The following CCDC18 variants were observed in gnomAD, a reference collection of about 807,000 sequenced individuals.
CCDC18 encodes the protein coiled-coil domain containing 18.
Under a neutral mutation model 196.0 loss-of-function variants are expected in CCDC18, and 157 were observed. That is an observed-to-expected ratio of 0.80 (90% CI 0.70 to 0.91). CCDC18 has a LOEUF of 0.91. Among genes scored for constraint, CCDC18 ranks in the 40% least tolerant of loss-of-function variants. The probability of loss-of-function intolerance (pLI) is 0.00; values close to 1 mark genes in which losing one functional copy is unlikely to be tolerated. For missense variants in CCDC18, 1,465 were observed against 1,611.6 expected, an observed-to-expected ratio of 0.91 and a Z score of 1.56; for synonymous variants, 482 against 529.2, an observed-to-expected ratio of 0.91 and a Z score of 1.22.
intron 21 of CCDC18, 135 bp from the exon 22 acceptor site, chr1:93,245,970 G>T (rs1031318525): frequency 1.5e-5 from 7 of 460,712 alleles, no homozygotes; most frequent in Non-Finnish European, 2.7e-5. Flanking sequence ...CCTTAAATTT[G>T]ACCCTTTCAA....
intron 10 of CCDC18, among the ~76,000 whole-genome samples, chr1:93,211,566 T>TAG (rs1243375784): frequency 6.6e-6 from 1 of 152,224 alleles, no homozygotes; most frequent in Non-Finnish European, 1.5e-5. Flanking sequence ...TTTGTATGTT[T>TAG]ACACACATGT....
At chr1:93,262,300 C>T (rs1441080005) in intron 26 of CCDC18, 2 of 152,280 alleles carry the variant, frequency 1.3e-5, no homozygotes, top group East Asian at 1.9e-4. Context: ...TAACTCATTC[C>T]AGCATTAACC....
intron 28 of CCDC18, among the ~76,000 whole-genome samples, chr1:93,275,552 T>C (rs896194154): frequency 6.6e-6 from 1 of 152,200 alleles, no homozygotes; most frequent in African/African-American, 2.4e-5. Context: ...TTAAACCAAA[T>C]AAATTATTAT....
chr1:93,265,624 C>A (rs1327113605), intron 27 of CCDC18, among the ~76,000 whole-genome samples: 1 of 151,870 alleles, frequency 6.6e-6, no homozygotes, highest in Non-Finnish European at 1.5e-5. Context: ...GTAGGATTTA[C>A]AACAAAAAAT....
At chr1:93,215,555 C>G (rs973066114) in intron 12 of CCDC18, among the ~76,000 whole-genome samples, 2 of 151,420 alleles carry the variant, frequency 1.3e-5, no homozygotes, top group Non-Finnish European at 2.9e-5. Context: ...CTTCTAGGCT[C>G]AAGCCATTCT....
intron 25 of CCDC18, among the ~76,000 whole-genome samples, chr1:93,257,231 CAAAAAAAAAAAAA>C (rs71586787): frequency 5.6e-4 from 26 of 46,530 alleles, no homozygotes; most frequent in South Asian, 1.1e-3. Context: ...GACTCCATCT[CAAAAAAAAAAAAA>C]AAAAAAAAAA....
chr1:93,242,354 C>T (rs966899485), intron 21 of CCDC18, among the ~76,000 whole-genome samples: 1 of 152,026 alleles, frequency 6.6e-6, no homozygotes, highest in Non-Finnish European at 1.5e-5. Flanking sequence ...CAGGGAAACT[C>T]CGCTTTATAA....
chr1:93,242,150 T>C (rs546355101), intron 21 of CCDC18, among the ~76,000 whole-genome samples: 36 of 152,340 alleles, frequency 2.4e-4, no homozygotes, highest in Admixed American at 4.6e-4. Flanking sequence ...ATGTTCATCA[T>C]CAGATGAATG....
intron 17 of CCDC18, among the ~76,000 whole-genome samples, chr1:93,228,141 T>C (rs1156395344): frequency 6.6e-6 from 1 of 151,936 alleles, no homozygotes; most frequent in Non-Finnish European, 1.5e-5. Context: ...CCAAACAGTA[T>C]ACCACAGTGA....
chr1:93,181,781 A>AT lies in CCDC18; in HGVS notation c.-3+936dup, dbSNP rs1357385906. 5.3e-5 allele frequency among the ~76,000 whole-genome samples: 8 copies of AT among 151,952 alleles called. No homozygotes were observed. The East Asian group carries it at 5.8e-4, about 11-fold the overall frequency. ...AGGCGCTCGCCACCACCCCCGGCTA[A>AT]TTTTTTTGTATTTTTAGTAGATACG... On this transcript the variant is annotated intron_variant, in intron 1 of 28. Transcript: ENST00000690025.
chr1:93,273,095 G>A (rs970804305), intron 28 of CCDC18, among the ~76,000 whole-genome samples: 2 of 151,608 alleles, frequency 1.3e-5, no homozygotes, highest in African/African-American at 4.9e-5. Context: ...TTGAGACGGA[G>A]TCTGGCTGTG....
chr1:93,262,898 C>T (rs1387033278), intron 26 of CCDC18, among the ~76,000 whole-genome samples: 1 of 152,078 alleles, frequency 6.6e-6, no homozygotes, highest in African/African-American at 2.4e-5. Flanking sequence ...TCCACACATC[C>T]TCTGAAATCT....
intron 6 of CCDC18, chr1:93,199,905 A>C (rs1421833745): frequency 6.6e-6 from 1 of 152,628 alleles, no homozygotes; most frequent in Non-Finnish European, 1.5e-5. Context: ...CAGTATGAGC[A>C]TCTAGGTGCT....
chr1:93,246,279 A>G lies in CCDC18; in HGVS notation c.3081+75A>G, dbSNP rs1661485335. On this transcript the variant is annotated intron_variant, in intron 22 of 28. Coordinates refer to ENST00000690025, the MANE Select transcript of CCDC18 (RefSeq NM_001378204.1). ...TCACACAGGATTTGAGAGGTCACCA[A>G]TTTTTTGTAAAATGGGCATTTTTAT... The G allele has an allele frequency of 4.7e-5, 47 of 1,001,256 alleles. No individual in the cohort carries two copies. In the South Asian group the frequency reaches 5.7e-4, roughly 12 times the overall value. 62.0% of individuals were successfully genotyped at this position (1,001,256 alleles called of 1,614,324 possible).
intron 25 of CCDC18, 60 bp downstream of exon 25, chr1:93,256,598 T>C: frequency 7.3e-7 from 1 of 1,368,344 alleles, no homozygotes; most frequent in Non-Finnish European, 1.0e-6. Context: ...AGCATTTTTT[T>C]TGAACTGTAG....
intron 16 of CCDC18, among the ~76,000 whole-genome samples, chr1:93,223,860 G>C (rs1313469692): frequency 2.0e-5 from 3 of 151,006 alleles, no homozygotes; most frequent in Admixed American, 1.3e-4. Context: ...CTTTGGTTCA[G>C]CAGAGTGGTG....
Position 93,207,379 on chromosome 1 carries a change from A to C in CCDC18, c.1190A>C (p.Lys397Thr). ...SSRVELRSLE[K>T]IISQLPLKRE... ...AGGGTAGAACTAAGAAGTTTGGAAA[A>C]GATTATATCCCAGTTGCCAGTAAGT... The change falls in exon 9 of 29, where the codon AAG becomes ACG. Residue 397 changes from lysine (K) to threonine (T), a missense_variant. Transcript: ENST00000690025. The C allele has an allele frequency of 6.3e-7, 1 of 1,598,422 alleles. No individual in the cohort carries two copies. The highest frequency in any genetic ancestry group is 1.1e-5 in the South Asian group (1 of 88,020).
chr1:93,193,857 A>G, intron 6 of CCDC18, 113 bp downstream of exon 6: 1 of 719,442 alleles, frequency 1.4e-6, no homozygotes, highest in Non-Finnish European at 2.1e-6. Flanking sequence ...TTTGGCAATA[A>G]ATTAACTTAA....
At chr1:93,232,383 A>G (rs1233419987) in intron 17 of CCDC18, 43 bp from the exon 18 acceptor site, 1 of 1,214,388 alleles carries the variant, frequency 8.2e-7, no homozygotes. Context: ...CATTTATTTG[A>G]AACATTGCAT....
Sources: gnomAD v4.1 joint callset for allele counts (sites outside exome capture counted in the v4.1 genomes callset) on GRCh38, gnomAD v4.1.1 for gene constraint, MANE v1.5 for transcripts, NCBI Gene and HGNC (gene_info 2026-07-23, HGNC 2026-07-21) for gene names.